Variants in MAP2K4 observed in about 807,000 individuals in gnomAD.
MAP2K4 encodes mitogen-activated protein kinase kinase 4, also known as dual specificity mitogen-activated protein kinase kinase 4.
MAP2K4 carries 4 observed loss-of-function variants against 48.5 expected under a neutral mutation model. The ratio of observed to expected loss-of-function variants is 0.08; its 90% CI spans 0.04 to 0.19. MAP2K4 has a LOEUF of 0.19. MAP2K4 is among the 10% of genes least tolerant of loss of function. The pLI is 1.00. For synonymous variants in MAP2K4, 166 were observed against 173.1 expected, an observed-to-expected ratio of 0.96 and a Z score of 0.32; for missense variants, 258 against 493.3, an observed-to-expected ratio of 0.52 and a Z score of 4.52.
Position 12,064,243 on chromosome 17 carries a change from C to T in MAP2K4, c.218+9252C>T, listed in dbSNP as rs28918120. Among the ~76,000 whole-genome samples, 344 of 152,110 alleles carry T rather than the reference C, an allele frequency of 2.3e-3. 1 individual carries two copies. The highest frequency in any genetic ancestry group is 0.013 in the East Asian group (66 of 5,166). ...GACTACAGGCACATTACATCACACC[C>T]GACTCATTTAAAAAAATTTTTTGTA... On this transcript the variant is annotated intron_variant, in intron 2 of 10. Coordinates refer to ENST00000353533, the MANE Select transcript of MAP2K4 (RefSeq NM_003010.4).
At chr17:12,060,745 G>T (rs1970423991) in intron 2 of MAP2K4, among the ~76,000 whole-genome samples, 1 of 151,942 alleles carries the variant, frequency 6.6e-6, no homozygotes, top group African/African-American at 2.4e-5. Flanking sequence ...GTGTGTGTGT[G>T]TGCGCGCGTG....
In MAP2K4 at chr17:12,053,928, AGAGAGTGAGTTCAG is replaced by A. The variant is rs1453366813; in HGVS notation, c.116-958_116-945del. Among the ~76,000 whole-genome samples the A allele has an allele frequency of 3.3e-5, 5 of 152,220 alleles. 1 individual carries two copies. Among genetic ancestry groups the A allele is most frequent in the Admixed American group, 1.3e-4 (2 of 15,266 alleles). On this transcript the variant is annotated intron_variant, in intron 1 of 10. Coordinates refer to ENST00000353533, the MANE Select transcript of MAP2K4 (RefSeq NM_003010.4). Reference sequence around the variant, plus strand: ...AGTAGTTAATTGTATAATAAACTCTAGAGAGTGAGTTCAGGAAAAAGTGTCTCTAAGGTGAATGT... The same window carrying A: ...AGTAGTTAATTGTATAATAAACTCTAGAAAAAGTGTCTCTAAGGTGAATGT...
intron 2 of MAP2K4, among the ~76,000 whole-genome samples, chr17:12,059,632 T>G (rs1970388884): frequency 6.6e-6 from 1 of 152,206 alleles, no homozygotes. Flanking sequence ...AAGTTTAAAG[T>G]GCTCTCTTTA....
rs551057151 is a variant in MAP2K4 at position 12,034,684 on chromosome 17, A to G, written c.115+13683A>G. On this transcript the variant is annotated intron_variant, in intron 1 of 10. Coordinates refer to ENST00000353533, the MANE Select transcript of MAP2K4 (RefSeq NM_003010.4). ...CTAGAGTTGATCCTACATTGATTAC[A>G]TAAGTGTTCAACCACCGATGTTACA... 2.0e-4 allele frequency among the ~76,000 whole-genome samples: 30 copies of G among 152,356 alleles called. No individual in the cohort carries two copies. The East Asian group carries it at 3.5e-3, about 18-fold the overall frequency.
At chr17:12,136,174 G>A (rs1249514543) in intron 9 of MAP2K4, among the ~76,000 whole-genome samples, 1 of 151,952 alleles carries the variant, frequency 6.6e-6, no homozygotes, top group Non-Finnish European at 1.5e-5. Context: ...AAAGTCAAGT[G>A]GAATATGTAG....
At chr17:12,069,804 A>G (rs1043833050) in intron 2 of MAP2K4, 49 of 720,138 alleles carry the variant, frequency 6.8e-5, no homozygotes, top group Admixed American at 4.1e-4. Context: ...TCATCTAGAG[A>G]TCGTAACAGT....
At chr17:12,054,784 G>T in intron 1 of MAP2K4, 105 bp from the exon 2 acceptor site, 1 of 640,168 alleles carries the variant, frequency 1.6e-6, no homozygotes, top group Non-Finnish European at 2.8e-6. Context: ...TTAACTGTTT[G>T]TTAAAGCAAG....
intron 4 of MAP2K4, among the ~76,000 whole-genome samples, chr17:12,096,305 T>G (rs1335741711): frequency 6.6e-6 from 1 of 152,188 alleles, no homozygotes; most frequent in Non-Finnish European, 1.5e-5. Context: ...ATCATGTTTC[T>G]TCTTTTGGCC....
chr17:12,111,123 A>G (rs973990775), intron 6 of MAP2K4, among the ~76,000 whole-genome samples: 1 of 152,158 alleles, frequency 6.6e-6, no homozygotes, highest in Non-Finnish European at 1.5e-5. Context: ...CCCTCAGCAA[A>G]TTTGTAACGG....
intron 2 of MAP2K4, among the ~76,000 whole-genome samples, chr17:12,075,623 A>T (rs999446093): frequency 2.6e-5 from 4 of 152,208 alleles, no homozygotes; most frequent in Non-Finnish European, 5.9e-5. Flanking sequence ...TGTTCACCAG[A>T]TAGCTTAAGA....
intron 2 of MAP2K4, among the ~76,000 whole-genome samples, chr17:12,070,876 C>T (rs140316673): frequency 6.6e-6 from 1 of 152,272 alleles, no homozygotes; most frequent in African/African-American, 2.4e-5. Flanking sequence ...TGTGAGATTA[C>T]CACAAACTTG....
chr17:12,115,801 G>T, intron 7 of MAP2K4: 1 of 731,438 alleles, frequency 1.4e-6, no homozygotes, highest in Non-Finnish European at 2.6e-6. Flanking sequence ...CCTGCTTCTG[G>T]GACAGCTCTG....
In MAP2K4 at chr17:12,137,651, A is replaced by G. The variant is rs371051839; in HGVS notation, c.1041-2188A>G. Reference sequence around the variant, plus strand: ...GAGGTTCTAAGATGCATGTAATGGAAATAAAGAAGGCAACTCTGAAAGTGG... The same window carrying G: ...GAGGTTCTAAGATGCATGTAATGGAGATAAAGAAGGCAACTCTGAAAGTGG... On this transcript the variant is annotated intron_variant, in intron 9 of 10. Coordinates refer to ENST00000353533, the MANE Select transcript of MAP2K4 (RefSeq NM_003010.4). 1.4e-4 allele frequency among the ~76,000 whole-genome samples: 22 copies of G among 152,310 alleles called. No homozygotes were observed. The East Asian group carries it at 2.1e-3, about 15-fold the overall frequency.
intron 9 of MAP2K4, among the ~76,000 whole-genome samples, chr17:12,138,015 A>G (rs994495150): frequency 1.3e-5 from 2 of 152,158 alleles, no homozygotes; most frequent in South Asian, 2.1e-4. Context: ...AAGGATTGAT[A>G]ATAAGACTAA....
chr17:12,065,356 T>C (rs904472923), intron 2 of MAP2K4, among the ~76,000 whole-genome samples: 8 of 149,052 alleles, frequency 5.4e-5, no homozygotes, highest in Admixed American at 3.4e-4. Context: ...TGGAGTGCAA[T>C]GGTGCGATCT....
At chr17:12,069,806 C>T (rs1455273479) in intron 2 of MAP2K4, 10 of 684,760 alleles carry the variant, frequency 1.5e-5, no homozygotes, top group Non-Finnish European at 2.2e-5. Flanking sequence ...ATCTAGAGAT[C>T]GTAACAGTAC....
chr17:12,112,624 T>C (rs868223451), intron 6 of MAP2K4, among the ~76,000 whole-genome samples: 1 of 152,142 alleles, frequency 6.6e-6, no homozygotes. Flanking sequence ...TAAAACCTTA[T>C]TTTTTATTCA....
At chr17:12,083,252 A>C (rs1971249955) in intron 3 of MAP2K4, among the ~76,000 whole-genome samples, 1 of 152,210 alleles carries the variant, frequency 6.6e-6, no homozygotes, top group Admixed American at 6.5e-5. Flanking sequence ...AGTTTTTCTC[A>C]CTGATTAATT....
intron 4 of MAP2K4, among the ~76,000 whole-genome samples, chr17:12,097,903 A>G (rs1386881981): frequency 1.3e-5 from 2 of 152,226 alleles, no homozygotes; most frequent in African/African-American, 2.4e-5. Flanking sequence ...AAGGCTTAGG[A>G]ACTACACAGT....
Sources: allele counts gnomAD v4.1 joint callset (sites outside exome capture counted in the v4.1 genomes callset), GRCh38; gene constraint gnomAD v4.1.1; transcripts MANE v1.5; gene names NCBI Gene and HGNC (gene_info 2026-07-23, HGNC 2026-07-21).